GBE1: variants seen among roughly 807,000 people sequenced by gnomAD.
GBE1 encodes the protein 1,4-alpha-glucan-branching enzyme.
GBE1 carries 70 observed loss-of-function variants against 88.8 expected under a neutral mutation model. The ratio of observed to expected loss-of-function variants is 0.79; its 90% CI spans 0.65 to 0.96. The LOEUF (loss-of-function observed/expected upper bound fraction) is 0.96. Ranked by LOEUF, GBE1 falls within the 40% of genes least tolerant of loss-of-function variation. The pLI is 0.00. For synonymous variants in GBE1, 284 were observed against 300.1 expected, an observed-to-expected ratio of 0.95 and a Z score of 0.56; for missense variants, 872 against 871.0, an observed-to-expected ratio of 1.00 and a Z score of -0.01.
intron 7 of GBE1, chr3:81,612,231 A>AAAAAC (rs1704191335): frequency 2.0e-6 from 1 of 489,886 alleles, no homozygotes; most frequent in Non-Finnish European, 3.3e-6. Flanking sequence ...AAAAAAAAAA[A>AAAAAC]AAAAAAAAAA....
chr3:81,759,814 T>A (rs1254312969), intron 1 of GBE1, among the ~76,000 whole-genome samples: 1 of 152,012 alleles, frequency 6.6e-6, no homozygotes, highest in Non-Finnish European at 1.5e-5. Context: ...AAAGAAACAC[T>A]TAATAAAGAA....
intron 2 of GBE1, among the ~76,000 whole-genome samples, chr3:81,680,536 A>C (rs1705325775): frequency 6.6e-6 from 1 of 151,994 alleles, no homozygotes; most frequent in Admixed American, 6.6e-5. Context: ...AATTTCACAC[A>C]ATTCATGCCA....
At chr3:81,569,634 G>C (rs764803881) in intron 12 of GBE1, among the ~76,000 whole-genome samples, 11 of 152,128 alleles carry the variant, frequency 7.2e-5, no homozygotes, top group Non-Finnish European at 1.6e-4. Flanking sequence ...CATGTACCCA[G>C]TTAAAATTTG....
chr3:81,539,326 A>T (rs989687406), intron 12 of GBE1, among the ~76,000 whole-genome samples: 4 of 152,026 alleles, frequency 2.6e-5, no homozygotes, highest in African/African-American at 9.7e-5. Flanking sequence ...AGAGTGAGAA[A>T]GTGAGATGTA....
chr3:81,648,638 T>C (rs1189429772), intron 5 of GBE1, among the ~76,000 whole-genome samples: 1 of 152,118 alleles, frequency 6.6e-6, no homozygotes, highest in Non-Finnish European at 1.5e-5. Flanking sequence ...AAAATTTAAA[T>C]TGGAATAATA....
At chr3:81,502,087 C>A (rs1702594185) in intron 14 of GBE1, among the ~76,000 whole-genome samples, 1 of 148,908 alleles carries the variant, frequency 6.7e-6, no homozygotes, top group Non-Finnish European at 1.5e-5. Context: ...TCGTTATTTT[C>A]AATGTTATAG....
At chr3:81,666,877 T>A (rs561785711) in intron 3 of GBE1, among the ~76,000 whole-genome samples, 4 of 152,304 alleles carry the variant, frequency 2.6e-5, no homozygotes, top group African/African-American at 9.6e-5. Context: ...AAAAATATCA[T>A]GATCTACAAT....
chr3:81,539,936 T>C (rs1703122963), intron 12 of GBE1, among the ~76,000 whole-genome samples: 1 of 151,850 alleles, frequency 6.6e-6, no homozygotes, highest in Non-Finnish European at 1.5e-5. Flanking sequence ...AAGAGTAATT[T>C]ATAAAGCCTC....
At position 81,638,317 on chromosome 3, in the gene GBE1, G is replaced by A. The variant is rs1270452609; in HGVS notation, c.992+4464C>T. ...ATAAGTTTAAGGAGGAAAAACATGA[G>A]CATTAGATCTACTTTGCTATCTCCT... On this transcript the variant is annotated intron_variant, in intron 7 of 15. Transcript: ENST00000429644. Among the ~76,000 whole-genome samples, 3 of 152,076 alleles carry A rather than the reference G, an allele frequency of 2.0e-5. No individual in the cohort carries two copies. In the East Asian group the frequency reaches 5.8e-4, roughly 29 times the overall value.
intron 1 of GBE1, among the ~76,000 whole-genome samples, chr3:81,722,389 T>C (rs1706046238): frequency 6.6e-6 from 1 of 152,154 alleles, no homozygotes; most frequent in African/African-American, 2.4e-5. Flanking sequence ...AATGTAACTA[T>C]GGTCTCTTGA....
intron 1 of GBE1, among the ~76,000 whole-genome samples, chr3:81,737,118 AAC>A (rs1244786382): frequency 1.3e-5 from 2 of 151,362 alleles, no homozygotes; most frequent in Non-Finnish European, 2.9e-5. Flanking sequence ...AGATAATAAT[AAC>A]AGATTTCTCC....
intron 2 of GBE1, among the ~76,000 whole-genome samples, chr3:81,684,574 C>G (rs999679002): frequency 1.3e-5 from 2 of 152,108 alleles, no homozygotes; most frequent in Non-Finnish European, 2.9e-5. Flanking sequence ...GATCTAATTA[C>G]CTCCCAAAGC....
At chr3:81,527,174 A>G (rs1399723521) in intron 14 of GBE1, among the ~76,000 whole-genome samples, 1 of 152,190 alleles carries the variant, frequency 6.6e-6, no homozygotes, top group Non-Finnish European at 1.5e-5. Context: ...CATATGCAGA[A>G]AGGTGAAACT....
chr3:81,761,518 AT>A lies in GBE1; in HGVS notation c.-2del. 6.2e-7 allele frequency: 1 copy of A among 1,606,262 alleles called. No homozygotes were observed. Among genetic ancestry groups the A allele is most frequent in the Non-Finnish European group, 8.5e-7 (1 of 1,177,424 alleles). ...CCGCGGGAGTCATCGGAGCCGCCAT[AT>A]TCCGCCGCAGTCCAAGTAGCCGAGG... On this transcript the variant is annotated 5_prime_UTR_variant, in exon 1 of 16. Coordinates refer to ENST00000429644, the MANE Select transcript of GBE1 (RefSeq NM_000158.4).
chr3:81,659,179 T>C (rs1704986389), intron 3 of GBE1, among the ~76,000 whole-genome samples: 1 of 151,952 alleles, frequency 6.6e-6, no homozygotes, highest in Admixed American at 6.6e-5. Flanking sequence ...ATCTAAGAAG[T>C]ATTTTCAGAA....
intron 2 of GBE1, among the ~76,000 whole-genome samples, 181 bp downstream of exon 2, chr3:81,705,263 T>A (rs1705757774): frequency 6.6e-6 from 1 of 152,104 alleles, no homozygotes; most frequent in Non-Finnish European, 1.5e-5. Context: ...CATATCACAT[T>A]ATAACAGAAA....
intron 12 of GBE1, among the ~76,000 whole-genome samples, chr3:81,559,990 A>G (rs1485392408): frequency 3.9e-5 from 6 of 151,996 alleles, no homozygotes; most frequent in Admixed American, 3.3e-4. Flanking sequence ...ATTAAAAGAA[A>G]GAAACAAAGA....
intron 12 of GBE1, among the ~76,000 whole-genome samples, chr3:81,573,245 T>G (rs1335723234): frequency 6.6e-6 from 1 of 152,198 alleles, no homozygotes; most frequent in Non-Finnish European, 1.5e-5. Context: ...TAGGCCCCAG[T>G]TTTTTTCATT....
chr3:81,656,403 G>A (rs1704940061), intron 3 of GBE1, among the ~76,000 whole-genome samples: 1 of 152,126 alleles, frequency 6.6e-6, no homozygotes, highest in South Asian at 2.1e-4. Context: ...AAAATGTCAT[G>A]GAACACATTC....
Sources: allele counts gnomAD v4.1 joint callset (sites outside exome capture counted in the v4.1 genomes callset), GRCh38; gene constraint gnomAD v4.1.1; transcripts MANE v1.5; gene names NCBI Gene and HGNC (gene_info 2026-07-23, HGNC 2026-07-21).